The following TMEM123 variants were observed in gnomAD, a reference collection of about 807,000 sequenced individuals.
TMEM123 encodes porimin.
Under a neutral mutation model 19.7 loss-of-function variants are expected in TMEM123, and 16 were observed. That is an observed-to-expected ratio of 0.81 (90% CI 0.55 to 1.23). The LOEUF (loss-of-function observed/expected upper bound fraction) is 1.23, where lower values mean the gene tolerates loss of function less well. TMEM123 is among the 50% of genes most tolerant of loss of function. TMEM123 has a pLI of 0.00. For synonymous variants in TMEM123, 118 were observed against 99.4 expected, an observed-to-expected ratio of 1.19 and a Z score of -1.12; for missense variants, 313 against 257.8, an observed-to-expected ratio of 1.21 and a Z score of -1.47.
At chr11:102,436,203 C>T (rs1181706395) in intron 2 of TMEM123, among the ~76,000 whole-genome samples, 1 of 151,906 alleles carries the variant, frequency 6.6e-6, no homozygotes, top group Non-Finnish European at 1.5e-5. Flanking sequence ...CCCACTATTG[C>T]CCAGGCTGCA....
chr11:102,442,126 A>C (rs1182193142), intron 2 of TMEM123, among the ~76,000 whole-genome samples: 1 of 152,224 alleles, frequency 6.6e-6, no homozygotes, highest in Non-Finnish European at 1.5e-5. Flanking sequence ...AGAGGTACAA[A>C]GAGGAGCTGG....
intron 2 of TMEM123, chr11:102,448,519 A>G (rs1397588849): frequency 5.8e-5 from 21 of 363,330 alleles, no homozygotes; most frequent in South Asian, 4.7e-4. Flanking sequence ...CAGGCAAACT[A>G]CAAAACCCTC....
intron 2 of TMEM123, among the ~76,000 whole-genome samples, chr11:102,405,392 T>C (rs1274044450): frequency 1.3e-5 from 2 of 152,190 alleles, no homozygotes; most frequent in Admixed American, 1.3e-4. Context: ...TTAACGCTTT[T>C]ATACTACATA....
chr11:102,404,018 C>G (rs1951933538), intron 2 of TMEM123, among the ~76,000 whole-genome samples: 1 of 152,152 alleles, frequency 6.6e-6, no homozygotes, highest in Non-Finnish European at 1.5e-5. Flanking sequence ...TTATCAATTA[C>G]CTAGTCTCAG....
At chr11:102,399,962 C>T (rs1951896287) in intron 4 of TMEM123, among the ~76,000 whole-genome samples, 1 of 73,146 alleles carries the variant, frequency 1.4e-5, no homozygotes, top group Non-Finnish European at 2.6e-5. Context: ...AAGAGGGAAA[C>T]TCCATCTCAA....
chr11:102,405,777 A>G (rs1951950557), intron 2 of TMEM123, among the ~76,000 whole-genome samples: 1 of 152,234 alleles, frequency 6.6e-6, no homozygotes, highest in Non-Finnish European at 1.5e-5. Context: ...ATAATAGGTT[A>G]GTTCTCCGCT....
At chr11:102,408,957 C>G (rs1951979196) in intron 2 of TMEM123, among the ~76,000 whole-genome samples, 1 of 152,164 alleles carries the variant, frequency 6.6e-6, no homozygotes, top group African/African-American at 2.4e-5. Context: ...TGGATTCATT[C>G]CGACTATCTC....
rs148659308 is a variant in TMEM123, at chr11:102,442,183, C to G, written c.157+6629G>C. Among the ~76,000 whole-genome samples the G allele has an allele frequency of 2.6e-3, 397 of 152,330 alleles. 2 individuals carry two copies. The highest frequency in any genetic ancestry group is 9.2e-3 in the African/African-American group (382 of 41,570). On this transcript the variant is annotated intron_variant, in intron 2 of 4. Transcript: ENST00000398136. Reference sequence around the variant, plus strand: ...TCCAATCAACAGAAAAAGAGGGAATCCTCCCTAACTCATTTTATGAGGCCA... The same window carrying G: ...TCCAATCAACAGAAAAAGAGGGAATGCTCCCTAACTCATTTTATGAGGCCA...
chr11:102,408,639 C>T (rs575818016), intron 2 of TMEM123, among the ~76,000 whole-genome samples: 1 of 152,188 alleles, frequency 6.6e-6, no homozygotes, highest in Non-Finnish European at 1.5e-5. Context: ...TTCTTTATAA[C>T]CATTAATTTC....
chr11:102,419,408 G>A (rs1037475797), intron 2 of TMEM123, among the ~76,000 whole-genome samples: 9 of 152,214 alleles, frequency 5.9e-5, no homozygotes, highest in East Asian at 3.9e-4. Context: ...ATGGTGTGAG[G>A]CAAGAAAGGT....
rs906527901 is a variant in TMEM123, at chr11:102,401,445, C to G, written c.602+94G>C. On this transcript the variant is annotated intron_variant, in intron 4 of 4. Transcript: ENST00000398136. ...ATAACTCATAAATCTATCAATTATT[C>G]ATCCCTGAGATGAGCACTGGCTTGA... 11 of 1,162,510 alleles carry G rather than the reference C, an allele frequency of 9.5e-6. No homozygotes were observed. The Admixed American group carries it at 1.7e-4, about 18-fold the overall frequency. 72.0% of individuals were successfully genotyped at this position (1,162,510 alleles called of 1,614,324 possible).
In TMEM123 at chr11:102,402,008, G is replaced by C. The variant is rs1951917625; in HGVS notation, c.356C>G (p.Thr119Arg). 1 of 1,613,830 alleles carries C rather than the reference G, an allele frequency of 6.2e-7. No homozygotes were observed. The highest frequency in any genetic ancestry group is 8.5e-7 in the Non-Finnish European group (1 of 1,179,924). ...STTLKSTPKT[T>R]SVSQNTSQIS... ...CTGAGATGTGTTCTGTGAAACACTT[G>C]TTGTTTTGGGTGTAGACTTTAAGGT... is the stretch of plus-strand genomic sequence containing the variant. The change falls in exon 3 of 5, where the codon ACA becomes AGA. Residue 119 changes from threonine (T) to arginine (R), a missense_variant. Coordinates refer to ENST00000398136, the MANE Select transcript of TMEM123 (RefSeq NM_052932.3).
intron 2 of TMEM123, among the ~76,000 whole-genome samples, chr11:102,417,113 T>C (rs912753036): frequency 6.6e-6 from 1 of 152,020 alleles, no homozygotes; most frequent in Non-Finnish European, 1.5e-5. Flanking sequence ...ACCACTCCTA[T>C]TCAAGACAGT....
rs150446491 is a variant in TMEM123, at chr11:102,401,435, A to G, written c.602+104T>C. On this transcript the variant is annotated intron_variant, in intron 4 of 4. Coordinates refer to ENST00000398136, the MANE Select transcript of TMEM123 (RefSeq NM_052932.3). ...TAATGGGAATATAACTCATAAATCT[A>G]TCAATTATTCATCCCTGAGATGAGC... is the stretch of plus-strand genomic sequence containing the variant. 3.2e-5 allele frequency: 35 copies of G among 1,084,462 alleles called. No homozygotes were observed. The African/African-American group carries it at 5.4e-4, about 17-fold the overall frequency. The allele number at this position is 1,084,462 out of a possible 1,614,324, so 67.2% of individuals were successfully genotyped here. A position where few individuals can be genotyped will look rare whatever the true frequency, so the allele number is the denominator to read the frequency against.
chr11:102,414,460 A>C (rs1037884773), intron 2 of TMEM123, among the ~76,000 whole-genome samples: 2 of 152,194 alleles, frequency 1.3e-5, no homozygotes, highest in African/African-American at 2.4e-5. Context: ...AGGGGCAGGT[A>C]ACTTACAGAG....
intron 2 of TMEM123, among the ~76,000 whole-genome samples, chr11:102,446,793 A>T (rs1432868390): frequency 1.3e-5 from 2 of 152,222 alleles, no homozygotes; most frequent in African/African-American, 4.8e-5. Flanking sequence ...GGAGTACTGC[A>T]GGCAGTCTCC....
chr11:102,427,569 T>C, intron 2 of TMEM123, among the ~76,000 whole-genome samples: 1 of 147,312 alleles, frequency 6.8e-6, no homozygotes, highest in East Asian at 2.1e-4. Context: ...CTGGGTGCGG[T>C]GGCTGATGTC....
chr11:102,410,128 C>A lies in TMEM123; in HGVS notation c.158-7922G>T, dbSNP rs199716603. 2.2e-3 allele frequency among the ~76,000 whole-genome samples: 329 copies of A among 152,250 alleles called. 4 individuals are homozygous for A. The highest frequency in any genetic ancestry group is 7.1e-3 in the East Asian group (37 of 5,188). On this transcript the variant is annotated intron_variant, in intron 2 of 4. Transcript: ENST00000398136. ...TACTACCACATTTTAGTTAAACTAT[C>A]ATTCATTCCACTAATATCTATGAAC...
intron 2 of TMEM123, among the ~76,000 whole-genome samples, chr11:102,406,110 A>G (rs1951953838): frequency 6.6e-6 from 1 of 152,212 alleles, no homozygotes; most frequent in Non-Finnish European, 1.5e-5. Context: ...ACCTGCAAAG[A>G]GATGCAGAAT....
Sources: allele counts gnomAD v4.1 joint callset (sites outside exome capture counted in the v4.1 genomes callset), GRCh38; gene constraint gnomAD v4.1.1; transcripts MANE v1.5; gene names NCBI Gene and HGNC (gene_info 2026-07-23, HGNC 2026-07-21).